MRPL1: variants seen among roughly 807,000 people sequenced by gnomAD.
MRPL1 encodes mitochondrial ribosomal protein L1, also known as large ribosomal subunit protein uL1m.
Under a neutral mutation model 38.0 loss-of-function variants are expected in MRPL1, and 28 were observed. The ratio of observed to expected loss-of-function variants is 0.74; its 90% CI spans 0.55 to 1.01. The LOEUF (loss-of-function observed/expected upper bound fraction) is 1.01. Ranked by LOEUF, MRPL1 falls within the 50% of genes least tolerant of loss-of-function variation. MRPL1 has a pLI of 0.00. For missense variants in MRPL1, 358 were observed against 389.8 expected, an observed-to-expected ratio of 0.92 and a Z score of 0.69; for synonymous variants, 123 against 126.7, an observed-to-expected ratio of 0.97 and a Z score of 0.20.
At chr4:77,894,632 A>G (rs951159826) in intron 6 of MRPL1, among the ~76,000 whole-genome samples, 1 of 152,120 alleles carries the variant, frequency 6.6e-6, no homozygotes, top group Non-Finnish European at 1.5e-5. Context: ...AATGTTGACC[A>G]TATGCATGGC....
At position 77,883,346 on chromosome 4, in the gene MRPL1, A is replaced by T. The variant is rs372712144; in HGVS notation, c.248A>T (p.Glu83Val). 5.0e-6 allele frequency: 8 copies of T among 1,613,808 alleles called. No individual in the cohort carries two copies. The highest frequency in any genetic ancestry group is 6.8e-6 in the Non-Finnish European group (8 of 1,179,938). ...TATCCCTATATGGAAGGCGAACCTG[A>T]GGATGATGTCTATTTAAAACGCTTA... ...KAYPYMEGEP[E>V]DDVYLKRLYP... Residue 83 changes from glutamate to valine, a missense_variant, in exon 3 of 9, where the codon GAG becomes GTG. Transcript: ENST00000315567.
chr4:77,877,314 G>A (rs1406835558), intron 2 of MRPL1, among the ~76,000 whole-genome samples: 1 of 152,196 alleles, frequency 6.6e-6, no homozygotes, highest in East Asian at 1.9e-4. Flanking sequence ...TCATCTGTCA[G>A]AGCATTGAGT....
At chr4:77,906,073 G>T (rs1736151247) in intron 6 of MRPL1, among the ~76,000 whole-genome samples, 1 of 152,188 alleles carries the variant, frequency 6.6e-6, no homozygotes, top group African/African-American at 2.4e-5. Flanking sequence ...AGGGAGGTGT[G>T]CATGGATAGG....
At chr4:77,915,805 A>G (rs917494490) in intron 7 of MRPL1, among the ~76,000 whole-genome samples, 2 of 152,238 alleles carry the variant, frequency 1.3e-5, no homozygotes, top group African/African-American at 2.4e-5. Context: ...TCAAATGCTC[A>G]TATCAGTGAA....
At chr4:77,916,928 A>T (rs1560469232) in intron 7 of MRPL1, among the ~76,000 whole-genome samples, 1 of 152,212 alleles carries the variant, frequency 6.6e-6, no homozygotes, top group Non-Finnish European at 1.5e-5. Flanking sequence ...ATTATCCAAC[A>T]GTGTGTTAAA....
At chr4:77,888,215 CAG>C (rs1277542132) in intron 5 of MRPL1, among the ~76,000 whole-genome samples, 1 of 152,048 alleles carries the variant, frequency 6.6e-6, no homozygotes, top group East Asian at 1.9e-4. Context: ...TAGAAGGTAA[CAG>C]AGCTTCGCTG....
chr4:77,950,975 A>G (rs550433844), intron 8 of MRPL1, among the ~76,000 whole-genome samples: 8 of 152,166 alleles, frequency 5.3e-5, no homozygotes, highest in Admixed American at 5.2e-4. Context: ...GGTTCAAGCA[A>G]TTCTTCTGCC....
At chr4:77,884,224 G>A (rs1334129495) in intron 3 of MRPL1, among the ~76,000 whole-genome samples, 4 of 144,974 alleles carry the variant, frequency 2.8e-5, no homozygotes, top group East Asian at 2.0e-4. Flanking sequence ...CAGCCTGGGC[G>A]ACAGAGCAAG....
At chr4:77,935,149 C>T (rs1414257497) in intron 7 of MRPL1, among the ~76,000 whole-genome samples, 1 of 152,028 alleles carries the variant, frequency 6.6e-6, no homozygotes, top group African/African-American at 2.4e-5. Flanking sequence ...GTGTTTGTGC[C>T]TGAGAGAAAT....
chr4:77,941,910 G>C (rs1737139881), intron 7 of MRPL1, among the ~76,000 whole-genome samples: 1 of 151,936 alleles, frequency 6.6e-6, no homozygotes, highest in Non-Finnish European at 1.5e-5. Context: ...CTTTTCTTCT[G>C]CTGGGTTTGG....
chr4:77,895,644 A>G (rs575004386), intron 6 of MRPL1, among the ~76,000 whole-genome samples: 86 of 152,276 alleles, frequency 5.6e-4, no homozygotes, highest in African/African-American at 2.0e-3. Context: ...TAAAATTTTT[A>G]TATATCCTAG....
At chr4:77,882,341 A>T (rs907790062) in intron 2 of MRPL1, among the ~76,000 whole-genome samples, 9 of 152,328 alleles carry the variant, frequency 5.9e-5, no homozygotes, top group African/African-American at 2.2e-4. Context: ...ATAATTACAT[A>T]TCACACAATT....
intron 7 of MRPL1, among the ~76,000 whole-genome samples, chr4:77,914,310 T>C (rs1182005566): frequency 2.0e-5 from 3 of 151,028 alleles, no homozygotes; most frequent in African/African-American, 7.3e-5. Flanking sequence ...ATAGGAGGGG[T>C]GGGAGGAAAC....
chr4:77,871,795 C>G lies in MRPL1; in HGVS notation c.83C>G (p.Ser28Ter). The change falls in exon 2 of 9, where the codon TCA (serine) becomes TGA (stop). Residue 28 changes from serine to a stop codon, truncating the protein, a stop_gained. Transcript: ENST00000315567. LOFTEE classifies it high-confidence loss of function. Reference sequence around the variant, plus strand: ...CTTTCCAAGATGGTTTATCAGACATCACTTTGTTCTTGTTCTGTAAACATC... The same window carrying G: ...CTTTCCAAGATGGTTTATCAGACATGACTTTGTTCTTGTTCTGTAAACATC... ...HSLSKMVYQT[S>*]LCSCSVNIRV... 6.2e-7 allele frequency: 1 copy of G among 1,600,786 alleles called. No homozygotes were observed. Among genetic ancestry groups the G allele is most frequent in the Non-Finnish European group, 8.5e-7 (1 of 1,176,034 alleles).
chr4:77,877,016 T>G (rs866790093), intron 2 of MRPL1, among the ~76,000 whole-genome samples: 1 of 152,212 alleles, frequency 6.6e-6, no homozygotes, highest in South Asian at 2.1e-4. Context: ...TTCTCCTGCC[T>G]CAGCCTCCTG....
chr4:77,926,626 T>TTTA (rs146608405), intron 7 of MRPL1, among the ~76,000 whole-genome samples: 3 of 148,874 alleles, frequency 2.0e-5, no homozygotes, highest in Non-Finnish European at 3.0e-5. Context: ...TTTTTTTTTT[T>TTTA]GAGACAGAGT....
intron 7 of MRPL1, among the ~76,000 whole-genome samples, chr4:77,930,641 C>G (rs1322201645): frequency 6.6e-6 from 1 of 152,110 alleles, no homozygotes; most frequent in Non-Finnish European, 1.5e-5. Flanking sequence ...ATATCAGAAC[C>G]CTGTCAGTGA....
chr4:77,949,930 A>G lies in MRPL1; in HGVS notation c.859+52A>G, dbSNP rs572056950. 123 of 1,060,286 alleles carry G rather than the reference A, an allele frequency of 1.2e-4. 1 individual carries two copies. The South Asian group carries it at 2.1e-3, about 18-fold the overall frequency. The allele number at this position is 1,060,286 out of a possible 1,614,324, so 65.7% of individuals were successfully genotyped here. A position where few individuals can be genotyped will look rare whatever the true frequency, so the allele number is the denominator to read the frequency against. ...CCCTATGACCCTGTGAAACTTTAAA[A>G]TGTAAAATATGAAGAAAAAAGTCAA... On this transcript the variant is annotated intron_variant, in intron 8 of 8. Transcript: ENST00000315567.
At chr4:77,905,496 CAAAAAAAAAAA>C (rs374398968) in intron 6 of MRPL1, among the ~76,000 whole-genome samples, 2 of 63,392 alleles carry the variant, frequency 3.2e-5, no homozygotes, top group Non-Finnish European at 5.5e-5. Context: ...GACTCCGTCT[CAAAAAAAAAAA>C]AAAAAAAAAA....
Sources: allele counts gnomAD v4.1 joint callset (sites outside exome capture counted in the v4.1 genomes callset), GRCh38; gene constraint gnomAD v4.1.1; transcripts MANE v1.5; gene names NCBI Gene and HGNC (gene_info 2026-07-23, HGNC 2026-07-21).